Variants in GNPDA2 observed in about 807,000 individuals in gnomAD.
The protein encoded by GNPDA2 is glucosamine-6-phosphate deaminase 2.
In GNPDA2, 24 loss-of-function variants were observed where a neutral mutation model predicts 27.0. That is an observed-to-expected ratio of 0.89 (90% confidence interval 0.64 to 1.25). GNPDA2 has a LOEUF of 1.25. GNPDA2 is among the 50% of genes most tolerant of loss of function. The pLI, the probability that GNPDA2 is intolerant of heterozygous loss-of-function variation, is 0.00. For missense variants in GNPDA2, 286 were observed against 335.1 expected (o/e 0.85, Z 1.14); for synonymous variants, 94 against 108.4 (o/e 0.87, Z 0.83).
At chr4:44,725,886 T>C (rs1717981664) in intron 1 of GNPDA2, among the ~76,000 whole-genome samples, 1 of 152,140 alleles carries the variant, frequency 6.6e-6, no homozygotes, top group Non-Finnish European at 1.5e-5. Flanking sequence ...TCGCAAAACT[T>C]CAATGGTGGA....
chr4:44,721,363 T>C (rs1462446484), intron 2 of GNPDA2, among the ~76,000 whole-genome samples: 1 of 152,136 alleles, frequency 6.6e-6, no homozygotes, highest in Non-Finnish European at 1.5e-5. Flanking sequence ...ATCTTTCTTA[T>C]AGGTAAGGAA....
At chr4:44,710,299 T>C (rs1472979185) in intron 5 of GNPDA2, among the ~76,000 whole-genome samples, 1 of 152,202 alleles carries the variant, frequency 6.6e-6, no homozygotes, top group Admixed American at 6.6e-5. Flanking sequence ...ACCTGTCCAA[T>C]CTGGCTACCA....
chr4:44,716,407 T>C (rs1236598544), intron 4 of GNPDA2, among the ~76,000 whole-genome samples: 1 of 151,950 alleles, frequency 6.6e-6, no homozygotes, highest in Non-Finnish European at 1.5e-5. Context: ...TTAGTTGATG[T>C]TGAACTATTC....
chr4:44,721,816 CA>C (rs1462693591), intron 2 of GNPDA2, among the ~76,000 whole-genome samples: 2 of 151,916 alleles, frequency 1.3e-5, no homozygotes, highest in African/African-American at 4.8e-5. Context: ...GAAAAATGTA[CA>C]AAAAATATGA....
chr4:44,711,519 T>C (rs865966566), intron 4 of GNPDA2, among the ~76,000 whole-genome samples: 3 of 152,240 alleles, frequency 2.0e-5, no homozygotes, highest in South Asian at 4.1e-4. Context: ...AAAGGAAATT[T>C]TGATGCTCAA....
intron 6 of GNPDA2, chr4:44,706,664 A>T (rs1716625760): frequency 6.6e-6 from 1 of 151,876 alleles, no homozygotes; most frequent in African/African-American, 2.4e-5. Context: ...CTGAGAAAAA[A>T]ATGCTACCCA....
At chr4:44,718,201 T>G in intron 3 of GNPDA2, 108 bp downstream of exon 3, 1 of 472,576 alleles carries the variant, frequency 2.1e-6, no homozygotes, top group Non-Finnish European at 3.8e-6. Context: ...TACATTAATA[T>G]TATATTCAAA....
At chr4:44,706,495 C>T (rs1434130652) in intron 6 of GNPDA2, 1 of 151,896 alleles carries the variant, frequency 6.6e-6, no homozygotes, top group Non-Finnish European at 1.5e-5. Flanking sequence ...TGCCAAATGT[C>T]AGTTATTTGT....
Position 44,705,436 on chromosome 4 carries a change from A to G in GNPDA2, c.770-2294T>C, listed in dbSNP as rs370452654. ...CCTCTTCAGAAATACAGACAGCTCCAAAGTGGAAAATACTGTGTCCTCTTG... is the reference window on the plus strand; with the variant it reads ...CCTCTTCAGAAATACAGACAGCTCCGAAGTGGAAAATACTGTGTCCTCTTG... On this transcript the variant is annotated intron_variant, in intron 6 of 6. Transcript: ENST00000295448. 2.8e-5 allele frequency: 28 copies of G among 985,034 alleles called. No homozygotes were observed. In the South Asian group the frequency reaches 1.0e-3, roughly 36 times the overall value. The allele number at this position is 985,034 out of a possible 1,614,324, so 61.0% of individuals were successfully genotyped here.
chr4:44,716,402 T>G (rs2088578511), intron 4 of GNPDA2, among the ~76,000 whole-genome samples: 1 of 151,952 alleles, frequency 6.6e-6, no homozygotes, highest in South Asian at 2.1e-4. Context: ...TTAGTTTAGT[T>G]GATGTTGAAC....
chr4:44,711,135 T>C lies in GNPDA2; in HGVS notation c.412A>G (p.Ile138Val). The change falls in exon 5 of 7, where the codon ATT becomes GTT. Residue 138 changes from isoleucine (I) to valine (V), a missense_variant and splice_region_variant. Coordinates refer to ENST00000295448, the MANE Select transcript of GNPDA2 (RefSeq NM_138335.3). ...AGGIDLFVGGIGPDGHIAFNE... is the reference protein window; with the variant it reads ...AGGIDLFVGGVGPDGHIAFNE... ...AAAGCGATATGACCATCTGGACCAA[T>C]TCCTTTCAAAAGAAATATACATACA... 6.4e-7 allele frequency: 1 copy of C among 1,572,560 alleles called. No individual in the cohort carries two copies. Among genetic ancestry groups the C allele is most frequent in the Non-Finnish European group, 8.6e-7 (1 of 1,163,216 alleles).
intron 1 of GNPDA2, among the ~76,000 whole-genome samples, chr4:44,725,645 C>T (rs1253577797): frequency 1.3e-5 from 2 of 152,234 alleles, no homozygotes; most frequent in African/African-American, 4.8e-5. Flanking sequence ...CAAATGAATC[C>T]CTTCACCCAG....
In GNPDA2 at chr4:44,704,781, C is replaced by CT. The variant is rs749154355; in HGVS notation, c.770-1640dup. ...TCTAACCAATGTCTATACAAAGTAA[C>CT]TTTTATGGTTTTGACTCAAAATGAA... is the stretch of plus-strand genomic sequence containing the variant. On this transcript the variant is annotated intron_variant, in intron 6 of 6. Transcript: ENST00000295448. 1.1e-4 allele frequency: 109 copies of CT among 984,304 alleles called. No homozygotes were observed. The African/African-American group carries it at 1.7e-3, about 16-fold the overall frequency. The allele number at this position is 984,304 out of a possible 1,614,324, so 61.0% of individuals were successfully genotyped here.
intron 6 of GNPDA2, chr4:44,704,886 A>G (rs1034772961): frequency 4.9e-5 from 48 of 983,466 alleles, no homozygotes; most frequent in Non-Finnish European, 5.7e-5. Context: ...ATGATGTCAT[A>G]TACTAAAAAT....
intron 4 of GNPDA2, among the ~76,000 whole-genome samples, chr4:44,716,802 T>C (rs1360296748): frequency 6.6e-6 from 1 of 151,814 alleles, no homozygotes; most frequent in Non-Finnish European, 1.5e-5. Context: ...TAAAGAAACA[T>C]ATTACTCATT....
At chr4:44,703,663 A>G (rs1293263016) in intron 6 of GNPDA2, 1 of 984,388 alleles carries the variant, frequency 1.0e-6, no homozygotes, top group Non-Finnish European at 1.2e-6. Context: ...AGGGTTACTA[A>G]AACAAGACAG....
At chr4:44,709,778 C>T (rs1447018696) in intron 5 of GNPDA2, among the ~76,000 whole-genome samples, 1 of 147,594 alleles carries the variant, frequency 6.8e-6, no homozygotes, top group Non-Finnish European at 1.5e-5. Flanking sequence ...GCCTGGGCAA[C>T]ACAGTGAGAC....
At position 44,703,082 on chromosome 4, in the gene GNPDA2, C is replaced by T; in HGVS notation, c.830G>A (p.Ter277=). ...AGCTGAATTTTGCTCCAGTCTCCTT[C>T]AGTTTCCATCTTTCATACTGAATAG... ...DPLFSMKDGN[*] Residue 277 remains the stop codon, a stop_retained_variant, in exon 7 of 7, where the codon TGA becomes TAA. Coordinates refer to ENST00000295448, the MANE Select transcript of GNPDA2 (RefSeq NM_138335.3). 6.2e-7 allele frequency: 1 copy of T among 1,611,752 alleles called. No individual in the cohort carries two copies. Among genetic ancestry groups the T allele is most frequent in the Non-Finnish European group, 8.5e-7 (1 of 1,178,950 alleles).
intron 6 of GNPDA2, chr4:44,703,487 T>C (rs1716398548): frequency 9.9e-7 from 1 of 1,015,128 alleles, no homozygotes; most frequent in Non-Finnish European, 1.2e-6. Flanking sequence ...AAAGTCTATG[T>C]TGATATTGAT....
Sources: allele counts gnomAD v4.1 joint callset (sites outside exome capture counted in the v4.1 genomes callset), GRCh38; gene constraint gnomAD v4.1.1; transcripts MANE v1.5; gene names NCBI Gene and HGNC (gene_info 2026-07-23, HGNC 2026-07-21).